TSEN15: variants seen among roughly 807,000 people sequenced by gnomAD.
TSEN15 encodes tRNA splicing endonuclease subunit 15, also known as tRNA-splicing endonuclease subunit Sen15.
Under a neutral mutation model 20.5 loss-of-function variants are expected in TSEN15, and 10 were observed. The observed-to-expected ratio is 0.49, with a 90% CI of 0.30 to 0.83. The LOEUF is 0.83. Ranked by LOEUF, TSEN15 falls within the 40% of genes least tolerant of loss-of-function variation. The pLI is 0.06. For synonymous variants in TSEN15, 72 were observed against 80.1 expected, an observed-to-expected ratio of 0.90 and a Z score of 0.54; for missense variants, 180 against 218.6, an observed-to-expected ratio of 0.82 and a Z score of 1.11.
At chr1:184,080,847 A>C (rs1651151289) in intron 3 of TSEN15, among the ~76,000 whole-genome samples, 3 of 152,138 alleles carry the variant, frequency 2.0e-5, no homozygotes. Context: ...ATGATCTTGC[A>C]CCCCAAGTAT....
intron 1 of TSEN15, among the ~76,000 whole-genome samples, chr1:184,052,353 C>G (rs1385739291): frequency 6.6e-6 from 1 of 152,160 alleles, no homozygotes; most frequent in Non-Finnish European, 1.5e-5. Context: ...TGAAAAGGTG[C>G]AGATTCCTAA....
chr1:184,092,967 A>G (rs1045584705), intron 3 of TSEN15, among the ~76,000 whole-genome samples: 2 of 152,116 alleles, frequency 1.3e-5, no homozygotes, highest in African/African-American at 4.8e-5. Flanking sequence ...GCAGCTCCTT[A>G]TTGTTTCCTG....
chr1:184,052,637 C>G (rs906638412), intron 1 of TSEN15, among the ~76,000 whole-genome samples: 54 of 152,232 alleles, frequency 3.5e-4, no homozygotes, highest in African/African-American at 1.2e-3. Flanking sequence ...TCATAATCAT[C>G]TAAAAACAGC....
chr1:184,078,048 C>T (rs1651097734), downstream of TSEN15, among the ~76,000 whole-genome samples: 2 of 152,074 alleles, frequency 1.3e-5, no homozygotes, highest in South Asian at 4.1e-4. Flanking sequence ...GCATCAGAGT[C>T]TACAGAGAAA....
chr1:184,059,925 A>G (rs1216433759), intron 3 of TSEN15, among the ~76,000 whole-genome samples: 2 of 152,228 alleles, frequency 1.3e-5, no homozygotes, highest in African/African-American at 4.8e-5. Context: ...GATTATTACC[A>G]GTTTACACTT....
At chr1:184,060,993 A>G (rs1650433520) in intron 3 of TSEN15, among the ~76,000 whole-genome samples, 1 of 152,068 alleles carries the variant, frequency 6.6e-6, no homozygotes, top group Non-Finnish European at 1.5e-5. Flanking sequence ...CCCCATCCCA[A>G]TCATAATCTT....
At chr1:184,072,432 A>T in intron 4 of TSEN15, 134 bp downstream of exon 4, 1 of 839,482 alleles carries the variant, frequency 1.2e-6, no homozygotes, top group Non-Finnish European at 1.7e-6. Flanking sequence ...AAAAGTCTTG[A>T]TTTTCAGACG....
intron 3 of TSEN15, among the ~76,000 whole-genome samples, chr1:184,070,287 A>G (rs1418661572): frequency 6.6e-6 from 1 of 152,022 alleles, no homozygotes; most frequent in Non-Finnish European, 1.5e-5. Context: ...AAATAACATT[A>G]TATCTTCAGA....
chr1:184,092,505 C>G (rs1651378085), intron 3 of TSEN15, among the ~76,000 whole-genome samples: 1 of 152,194 alleles, frequency 6.6e-6, no homozygotes, highest in African/African-American at 2.4e-5. Flanking sequence ...TCACAGCATT[C>G]TAGGGTAGCC....
chr1:184,068,473 C>T (rs1423646037), intron 3 of TSEN15, among the ~76,000 whole-genome samples: 1 of 152,134 alleles, frequency 6.6e-6, no homozygotes, highest in Non-Finnish European at 1.5e-5. Context: ...TGGTGAAACC[C>T]CCAATTCTGG....
intron 3 of TSEN15, among the ~76,000 whole-genome samples, chr1:184,092,114 G>T (rs1382269734): frequency 6.6e-6 from 1 of 152,208 alleles, no homozygotes; most frequent in Non-Finnish European, 1.5e-5. Context: ...ATCTCCAGGG[G>T]AGAGGCTGGC....
chr1:184,088,202 G>C (rs1406860191), intron 3 of TSEN15, among the ~76,000 whole-genome samples: 1 of 152,126 alleles, frequency 6.6e-6, no homozygotes, highest in Non-Finnish European at 1.5e-5. Flanking sequence ...CAGCGAGGGA[G>C]GGGCCATGAG....
At chr1:184,087,088 G>A (rs1651275871) in intron 3 of TSEN15, among the ~76,000 whole-genome samples, 1 of 152,166 alleles carries the variant, frequency 6.6e-6, no homozygotes, top group African/African-American at 2.4e-5. Context: ...CTGGTGTTTA[G>A]CAGGATGGAG....
intron 3 of TSEN15, among the ~76,000 whole-genome samples, chr1:184,066,311 T>TA (rs1650656265): frequency 2.0e-5 from 3 of 152,000 alleles, no homozygotes; most frequent in Admixed American, 2.0e-4. Context: ...AATTCTGAGC[T>TA]CTCTATTCTA....
At chr1:184,065,086 A>G (rs1650598500) in intron 3 of TSEN15, among the ~76,000 whole-genome samples, 1 of 152,116 alleles carries the variant, frequency 6.6e-6, no homozygotes, top group African/African-American at 2.4e-5. Flanking sequence ...ATTTGCTCCT[A>G]TACTTTCTCC....
At chr1:184,081,682 C>T (rs970357395) in intron 3 of TSEN15, among the ~76,000 whole-genome samples, 16 of 152,102 alleles carry the variant, frequency 1.1e-4, no homozygotes, top group African/African-American at 3.6e-4. Context: ...TATTGAGTCC[C>T]GTCACTTTAA....
downstream of TSEN15, among the ~76,000 whole-genome samples, chr1:184,077,537 C>T (rs560418687): frequency 6.6e-6 from 1 of 152,112 alleles, no homozygotes; most frequent in Admixed American, 6.6e-5. Flanking sequence ...TTAAGAAATA[C>T]ATTTTGTAAG....
chr1:184,076,704 A>G (rs1035259317), downstream of TSEN15, among the ~76,000 whole-genome samples: 1 of 152,198 alleles, frequency 6.6e-6, no homozygotes, highest in Non-Finnish European at 1.5e-5. Flanking sequence ...TACTCCAGTG[A>G]ACACATGAAT....
intron 3 of TSEN15, among the ~76,000 whole-genome samples, chr1:184,071,597 A>C (rs1557885276): frequency 6.6e-6 from 1 of 151,930 alleles, no homozygotes; most frequent in East Asian, 1.9e-4. Flanking sequence ...ACGCAATAGT[A>C]ATCTCTAGAG....
Sources: allele counts gnomAD v4.1 joint callset (sites outside exome capture counted in the v4.1 genomes callset), GRCh38; gene constraint gnomAD v4.1.1; transcripts MANE v1.5; gene names NCBI Gene and HGNC (gene_info 2026-07-23, HGNC 2026-07-21).